The following MAGI1 variants were observed in gnomAD, a reference collection of about 807,000 sequenced individuals.
MAGI1 encodes membrane-associated guanylate kinase, WW and PDZ domain-containing protein 1.
MAGI1 carries 58 observed loss-of-function variants against 139.9 expected under a neutral mutation model. That is an observed-to-expected ratio of 0.41 (90% confidence interval 0.34 to 0.52). MAGI1 has a LOEUF of 0.52. Ranked by LOEUF, MAGI1 falls within the 20% of genes least tolerant of loss-of-function variation. The probability of loss-of-function intolerance (pLI) is 0.12; values close to 1 mark genes in which losing one functional copy is unlikely to be tolerated. For missense variants in MAGI1, 1,874 were observed against 1,901.6 expected, an observed-to-expected ratio of 0.99 and a Z score of 0.27; for synonymous variants, 812 against 737.9, an observed-to-expected ratio of 1.10 and a Z score of -1.63.
chr3:65,947,938 CTTTTTTTTTTTTTTT>C (rs763826259), intron 1 of MAGI1, among the ~76,000 whole-genome samples: 1 of 127,876 alleles, frequency 7.8e-6, no homozygotes, highest in Admixed American at 8.0e-5. Context: ...ATATCTTTCT[CTTTTTTTTTTTTTTT>C]TTTTTTGAGA....
intron 1 of MAGI1, among the ~76,000 whole-genome samples, chr3:65,961,950 G>C (rs1486728742): frequency 6.6e-6 from 1 of 152,048 alleles, no homozygotes; most frequent in Non-Finnish European, 1.5e-5. Flanking sequence ...GAGCAAATCA[G>C]CTAAGTGCTT....
At chr3:65,361,658 G>C (rs1447754337) in intron 21 of MAGI1, among the ~76,000 whole-genome samples, 1 of 152,188 alleles carries the variant, frequency 6.6e-6, no homozygotes, top group Non-Finnish European at 1.5e-5. Context: ...ATCTCCCCCT[G>C]CCTTTGAATG....
chr3:65,658,537 T>TA (rs2086013871), intron 1 of MAGI1, among the ~76,000 whole-genome samples: 1 of 152,208 alleles, frequency 6.6e-6, no homozygotes, highest in Non-Finnish European at 1.5e-5. Flanking sequence ...GAAATGTTAA[T>TA]ACGCATCTCA....
intron 1 of MAGI1, among the ~76,000 whole-genome samples, chr3:65,949,733 C>T (rs118069797): frequency 0.018 from 2,678 of 152,256 alleles, 46 homozygotes; most frequent in African/African-American, 0.051. Context: ...TTTAAACTTT[C>T]CTATCTAGGG....
chr3:65,510,282 C>A lies in MAGI1; in HGVS notation c.431-16651G>T, dbSNP rs1028397983. Among the ~76,000 whole-genome samples, 28 of 152,184 alleles carry A rather than the reference C, an allele frequency of 1.8e-4. 1 individual carries two copies. The highest frequency in any genetic ancestry group is 3.1e-4 in the Non-Finnish European group (21 of 68,034). ...CCAAAGGAACGCAGTTCCTCACCAG[C>A]AACGGAACAAAGCTGGATGGAGAAT... On this transcript the variant is annotated intron_variant, in intron 2 of 22. Coordinates refer to ENST00000402939, the MANE Select transcript of MAGI1 (RefSeq NM_001033057.2).
In MAGI1 at chr3:65,849,001, C is replaced by CTTTTTTTTT. The variant is rs558270441; in HGVS notation, c.313+188986_313+188994dup. On this transcript the variant is annotated intron_variant, in intron 1 of 22. Coordinates refer to ENST00000402939, the MANE Select transcript of MAGI1 (RefSeq NM_001033057.2). ...GCAGCTCAAGACTATTCAGAGCATT[C>CTTTTTTTTT]TTTTTTTTTTTTTTTTTTTTTTTTT... is the stretch of plus-strand genomic sequence containing the variant. 1.3e-3 allele frequency among the ~76,000 whole-genome samples: 50 copies of CTTTTTTTTT among 39,644 alleles called. 2 individuals are homozygous for CTTTTTTTTT. Among genetic ancestry groups the CTTTTTTTTT allele is most frequent in the East Asian group, 2.3e-3 (2 of 884 alleles). 26.0% of individuals were successfully genotyped at this position (39,644 alleles called of 152,430 possible).
At chr3:65,541,229 C>T (rs547500685) in intron 2 of MAGI1, among the ~76,000 whole-genome samples, 3 of 152,112 alleles carry the variant, frequency 2.0e-5, no homozygotes, top group South Asian at 2.1e-4. Flanking sequence ...AGGAAGAAGT[C>T]GAATCCCTGA....
chr3:65,504,504 C>A (rs2077201457), intron 2 of MAGI1, among the ~76,000 whole-genome samples: 1 of 152,038 alleles, frequency 6.6e-6, no homozygotes, highest in East Asian at 1.9e-4. Context: ...GACTTGAAAC[C>A]AGGTTTTTGT....
chr3:65,936,945 G>A (rs1268186878), intron 1 of MAGI1, among the ~76,000 whole-genome samples: 1 of 150,482 alleles, frequency 6.6e-6, no homozygotes, highest in African/African-American at 2.5e-5. Context: ...GATGGTGGTG[G>A]TGATGGTGAT....
At chr3:65,946,286 CT>C (rs751300279) in intron 1 of MAGI1, among the ~76,000 whole-genome samples, 2 of 152,232 alleles carry the variant, frequency 1.3e-5, no homozygotes, top group African/African-American at 2.4e-5. Context: ...AGTTAAAGAA[CT>C]TTCGGGAACT....
At chr3:66,006,703 T>C (rs570268239) in intron 1 of MAGI1, among the ~76,000 whole-genome samples, 2 of 152,280 alleles carry the variant, frequency 1.3e-5, no homozygotes, top group East Asian at 1.9e-4. Context: ...TAAAAACATA[T>C]CAACACACAG....
intron 1 of MAGI1, among the ~76,000 whole-genome samples, chr3:65,809,281 T>G (rs1214243005): frequency 1.3e-5 from 2 of 152,052 alleles, no homozygotes. Flanking sequence ...GCAGGTCAAG[T>G]GTAGAAGAAA....
chr3:65,454,395 G>C (rs562049655), intron 5 of MAGI1, among the ~76,000 whole-genome samples: 1 of 149,500 alleles, frequency 6.7e-6, no homozygotes, highest in Non-Finnish European at 1.5e-5. Flanking sequence ...GTTGGGGGAG[G>C]GGAGAGGGAT....
intron 1 of MAGI1, among the ~76,000 whole-genome samples, chr3:65,644,715 A>G (rs1176607463): frequency 6.6e-6 from 1 of 152,122 alleles, no homozygotes; most frequent in Non-Finnish European, 1.5e-5. Context: ...TAAAAATTAA[A>G]GGCCACGCAC....
chr3:65,958,830 T>C (rs1419054870), intron 1 of MAGI1, among the ~76,000 whole-genome samples: 2 of 151,936 alleles, frequency 1.3e-5, no homozygotes, highest in East Asian at 1.9e-4. Flanking sequence ...ATATTAAAAA[T>C]ACAAAAATTA....
At chr3:65,876,156 C>T (rs950663676) in intron 1 of MAGI1, among the ~76,000 whole-genome samples, 2 of 151,210 alleles carry the variant, frequency 1.3e-5, no homozygotes, top group African/African-American at 4.9e-5. Flanking sequence ...ATTTTATTCA[C>T]GTCATAAAAA....
intron 1 of MAGI1, among the ~76,000 whole-genome samples, chr3:65,908,815 G>A (rs1362987656): frequency 1.3e-5 from 2 of 152,108 alleles, no homozygotes; most frequent in Non-Finnish European, 2.9e-5. Flanking sequence ...TATCATTAGA[G>A]GACTCTCTTG....
At chr3:65,438,242 T>C (rs1378772030) in intron 9 of MAGI1, among the ~76,000 whole-genome samples, 1 of 152,144 alleles carries the variant, frequency 6.6e-6, no homozygotes, top group African/African-American at 2.4e-5. Flanking sequence ...TGAATGGAAC[T>C]AGAGACCATT....
At chr3:65,946,009 G>A (rs2063530201) in intron 1 of MAGI1, among the ~76,000 whole-genome samples, 1 of 152,062 alleles carries the variant, frequency 6.6e-6, no homozygotes, top group African/African-American at 2.4e-5. Context: ...AAAAAATCAA[G>A]AGCCAACATT....
Sources: allele counts gnomAD v4.1 joint callset (sites outside exome capture counted in the v4.1 genomes callset), GRCh38; gene constraint gnomAD v4.1.1; transcripts MANE v1.5; gene names NCBI Gene and HGNC (gene_info 2026-07-23, HGNC 2026-07-21).